Variants in IRGM observed in about 807,000 individuals in gnomAD.
The protein encoded by IRGM is immunity related GTPase M, also known as immunity-related GTPase family M protein.
For synonymous variants in IRGM, 98 were observed against 80.6 expected, an observed-to-expected ratio of 1.22 and a Z score of -1.16; for missense variants, 288 against 219.9, an observed-to-expected ratio of 1.31 and a Z score of -1.96.
intron 1 of IRGM, among the ~76,000 whole-genome samples, chr5:150,859,396 G>T (rs1240033458): frequency 6.6e-6 from 1 of 152,036 alleles, no homozygotes; most frequent in Non-Finnish European, 1.5e-5. Flanking sequence ...CTCTTTTTTG[G>T]CTGTGTCTCT....
chr5:150,862,032 T>C (rs1389583195), intron 1 of IRGM, among the ~76,000 whole-genome samples: 1 of 152,242 alleles, frequency 6.6e-6, no homozygotes, highest in Non-Finnish European at 1.5e-5. Flanking sequence ...TCATGGGCTA[T>C]GATGAAGTTC....
intron 3 of IRGM, chr5:150,897,999 G>C: frequency 6.4e-7 from 1 of 1,560,282 alleles, no homozygotes; most frequent in Non-Finnish European, 8.7e-7. Flanking sequence ...ATTTTGATAA[G>C]GATAGAAACA....
downstream of IRGM, among the ~76,000 whole-genome samples, chr5:150,853,243 G>A (rs1308870859): frequency 6.6e-6 from 1 of 152,054 alleles, no homozygotes. Flanking sequence ...GAATTTTCCA[G>A]TTTTTCTTCT....
At chr5:150,897,595 C>G (rs921306870) in intron 3 of IRGM, 3 of 161,612 alleles carry the variant, frequency 1.9e-5, no homozygotes, top group African/African-American at 7.2e-5. Flanking sequence ...CTCTCTCCAA[C>G]ACTGCTTGCC....
At chr5:150,888,920 T>A (rs528647375) in intron 3 of IRGM, among the ~76,000 whole-genome samples, 1 of 152,024 alleles carries the variant, frequency 6.6e-6, no homozygotes, top group Non-Finnish European at 1.5e-5. Context: ...ATAAACTAGA[T>A]CTATTTCTCT....
rs147629033 is a variant in IRGM, at chr5:150,864,817, G to A, written c.159-13163G>A. ...AATGGGTGTTTGTTGGAGGCAGCAC[G>A]TTAGTGCTGTGCAATGGCCATAAAG... On this transcript the variant is annotated intron_variant and NMD_transcript_variant, in intron 1 of 3. Coordinates refer to the IRGM transcript ENST00000520549. Among the ~76,000 whole-genome samples the A allele has an allele frequency of 1.0e-4, 16 of 152,382 alleles. No homozygotes were observed. In the East Asian group the frequency reaches 3.1e-3, roughly 29 times the overall value.
intron 3 of IRGM, chr5:150,895,393 C>G: frequency 2.7e-6 from 4 of 1,496,650 alleles, no homozygotes; most frequent in Non-Finnish European, 3.6e-6. Context: ...AAGGCTTGAG[C>G]TAATACTAAG....
chr5:150,872,556 C>A (rs1328982982), intron 1 of IRGM, among the ~76,000 whole-genome samples: 1 of 152,152 alleles, frequency 6.6e-6, no homozygotes, highest in Non-Finnish European at 1.5e-5. Flanking sequence ...AAGCAGAAAT[C>A]TGGAGAACAG....
chr5:150,901,178 T>C (rs1338322152), downstream of IRGM, among the ~76,000 whole-genome samples: 2 of 152,082 alleles, frequency 1.3e-5, no homozygotes, highest in African/African-American at 2.4e-5. Context: ...GCCACAGCAG[T>C]TGGATTTACT....
At chr5:150,874,258 T>C in intron 1 of IRGM, among the ~76,000 whole-genome samples, 1 of 152,190 alleles carries the variant, frequency 6.6e-6, no homozygotes. Context: ...ACTTTTCCCT[T>C]CCCCAAGATA....
downstream of IRGM, among the ~76,000 whole-genome samples, chr5:150,851,064 T>C (rs1039806568): frequency 6.6e-6 from 1 of 152,202 alleles, no homozygotes; most frequent in East Asian, 1.9e-4. Context: ...ACCATCTTAC[T>C]TGGACTGGAA....
intron 3 of IRGM, among the ~76,000 whole-genome samples, chr5:150,898,819 G>A (rs750493676): frequency 4.6e-5 from 7 of 151,952 alleles, no homozygotes; most frequent in Non-Finnish European, 7.4e-5. Flanking sequence ...TGGATGAATC[G>A]TTTTGAAACA....
At chr5:150,868,176 A>C (rs1754233513) in intron 1 of IRGM, among the ~76,000 whole-genome samples, 1 of 152,128 alleles carries the variant, frequency 6.6e-6, no homozygotes, top group African/African-American at 2.4e-5. Context: ...ATCCAGTTTC[A>C]TTCTTCTACA....
chr5:150,897,877 T>C (rs769957519), intron 3 of IRGM: 19 of 621,054 alleles, frequency 3.1e-5, no homozygotes, highest in African/African-American at 1.3e-4. Context: ...TATAAACATA[T>C]ATATATACAC....
chr5:150,894,533 A>G (rs1754682372), intron 3 of IRGM: 2 of 152,334 alleles, frequency 1.3e-5, no homozygotes, highest in African/African-American at 4.8e-5. Flanking sequence ...AGGGATAGGC[A>G]ATCAAAAGCA....
intron 3 of IRGM, chr5:150,895,700 TCTCTG>T: frequency 6.2e-7 from 1 of 1,613,614 alleles, no homozygotes; most frequent in South Asian, 1.1e-5. Context: ...CTGTGTGAAT[TCTCTG>T]ATGTCCAATG....
At chr5:150,859,005 C>T (rs969538544) in intron 1 of IRGM, among the ~76,000 whole-genome samples, 1 of 152,090 alleles carries the variant, frequency 6.6e-6, no homozygotes, top group Admixed American at 6.5e-5. Flanking sequence ...GTCTTGTGCC[C>T]ATTTTCAATG....
downstream of IRGM, chr5:150,848,763 G>C (rs1753928745): frequency 4.5e-6 from 4 of 891,260 alleles, no homozygotes; most frequent in Non-Finnish European, 6.8e-6. Context: ...GGTGCAGAAG[G>C]GTATCTTACA....
intron 3 of IRGM, among the ~76,000 whole-genome samples, chr5:150,899,909 T>C (rs763669901): frequency 6.6e-6 from 1 of 152,146 alleles, no homozygotes; most frequent in Non-Finnish European, 1.5e-5. Context: ...AATGTCAACA[T>C]TGCCTGCTTA....
Sources: allele counts gnomAD v4.1 joint callset (sites outside exome capture counted in the v4.1 genomes callset), GRCh38; gene constraint gnomAD v4.1.1; transcripts MANE v1.5; gene names NCBI Gene and HGNC (gene_info 2026-07-23, HGNC 2026-07-21).